The following PTK2 variants were observed in gnomAD, a reference collection of about 807,000 sequenced individuals.
The protein encoded by PTK2 is protein tyrosine kinase 2.
A neutral mutation model predicts 150.1 loss-of-function variants in PTK2; 45 were observed. The ratio of observed to expected loss-of-function variants is 0.30; its 90% CI spans 0.24 to 0.38. The LOEUF (loss-of-function observed/expected upper bound fraction) is 0.38. Ranked by LOEUF, PTK2 falls within the 10% of genes least tolerant of loss-of-function variation. The pLI, the probability that PTK2 is intolerant of heterozygous loss-of-function variation, is 1.00. For missense variants in PTK2, 919 were observed against 1,307.3 expected (o/e 0.70, Z 4.58); for synonymous variants, 432 against 449.2 (o/e 0.96, Z 0.48).
At chr8:140,905,344 T>C (rs923210346) in intron 2 of PTK2, among the ~76,000 whole-genome samples, 1 of 120,792 alleles carries the variant, frequency 8.3e-6, no homozygotes, top group Admixed American at 7.8e-5. Context: ...ACCAAGCACA[T>C]GGAAAGCAAA....
At chr8:140,736,430 A>G (rs894535580) in intron 21 of PTK2, among the ~76,000 whole-genome samples, 1 of 151,986 alleles carries the variant, frequency 6.6e-6, no homozygotes, top group Admixed American at 6.6e-5. Flanking sequence ...TACTATGTTC[A>G]CTATTTGGGT....
chr8:140,658,675 TG>T (rs1159947773), exon 32 of PTK2: 1 of 213,356 alleles, frequency 4.7e-6, no homozygotes, highest in Non-Finnish European at 9.5e-6. Flanking sequence ...TATATAAAAA[TG>T]GAAAAAGGGG....
At chr8:140,677,542 T>C (rs1465835032) in intron 27 of PTK2, among the ~76,000 whole-genome samples, 1 of 152,220 alleles carries the variant, frequency 6.6e-6, no homozygotes, top group East Asian at 1.9e-4. Context: ...TTGCTTACTT[T>C]AAAATAATGA....
chr8:140,714,613 A>G (rs1329732870), intron 23 of PTK2, among the ~76,000 whole-genome samples: 1 of 151,836 alleles, frequency 6.6e-6, no homozygotes, highest in Non-Finnish European at 1.5e-5. Flanking sequence ...CCTGGCCAAC[A>G]TGGTGAAACC....
At chr8:140,969,880 A>G (rs2100186625) in intron 1 of PTK2, among the ~76,000 whole-genome samples, 2 of 152,294 alleles carry the variant, frequency 1.3e-5, no homozygotes, top group South Asian at 4.1e-4. Context: ...CCAGAACTAC[A>G]TTTCCTACAA....
intron 7 of PTK2, among the ~76,000 whole-genome samples, chr8:140,835,999 A>G (rs1486050303): frequency 6.6e-6 from 1 of 151,902 alleles, no homozygotes; most frequent in Non-Finnish European, 1.5e-5. Flanking sequence ...CTGGCTCCTG[A>G]CCTGCATCCT....
chr8:140,883,181 CTTTCATAAACTGTTCATTCATTTAT>C, intron 3 of PTK2, among the ~76,000 whole-genome samples: 1 of 152,338 alleles, frequency 6.6e-6, no homozygotes, highest in South Asian at 2.1e-4. Flanking sequence ...CATGTTCATT[CTTTCATAAACTGTTCATTCATTTAT>C]TCATGAACAT....
At chr8:140,916,023 G>GC (rs2100165125) in intron 2 of PTK2, among the ~76,000 whole-genome samples, 1 of 152,144 alleles carries the variant, frequency 6.6e-6, no homozygotes, top group Non-Finnish European at 1.5e-5. Context: ...TACTAATAAT[G>GC]AGGACCAGAA....
intron 13 of PTK2, 113 bp from the exon 14 acceptor site, chr8:140,789,639 T>C (rs990963926): frequency 1.6e-5 from 15 of 923,202 alleles, no homozygotes; most frequent in Non-Finnish European, 2.5e-5. Flanking sequence ...TTTAGATACG[T>C]GATTTCTTTA....
At chr8:140,682,120 G>A (rs1036712605) in intron 27 of PTK2, among the ~76,000 whole-genome samples, 1 of 152,214 alleles carries the variant, frequency 6.6e-6, no homozygotes, top group Non-Finnish European at 1.5e-5. Flanking sequence ...TTACAACCAT[G>A]TAGTAAGAGC....
At chr8:140,867,160 A>G (rs912376986) in intron 4 of PTK2, among the ~76,000 whole-genome samples, 1 of 152,148 alleles carries the variant, frequency 6.6e-6, no homozygotes, top group Admixed American at 6.5e-5. Context: ...AAGCAAGTCA[A>G]TGGCATGCTG....
intron 17 of PTK2, among the ~76,000 whole-genome samples, chr8:140,751,327 C>T (rs2100062524): frequency 6.6e-6 from 1 of 152,072 alleles, no homozygotes; most frequent in African/African-American, 2.4e-5. Context: ...CGCCACCATG[C>T]CCAGCTAATT....
At chr8:140,715,160 T>C (rs932440042) in intron 23 of PTK2, among the ~76,000 whole-genome samples, 2 of 15,802 alleles carry the variant, frequency 1.3e-4, no homozygotes, top group African/African-American at 6.6e-4. Flanking sequence ...AAACCGTTTT[T>C]TTTTTTTTTT....
intron 10 of PTK2, among the ~76,000 whole-genome samples, chr8:140,811,187 C>T (rs905328585): frequency 2.0e-5 from 3 of 152,188 alleles, no homozygotes; most frequent in African/African-American, 7.2e-5. Flanking sequence ...GCACCCCTAC[C>T]CCCAACACTC....
Position 140,809,524 on chromosome 8 carries a change from G to T in PTK2, c.868-5874C>A, listed in dbSNP as rs534801165. 2.0e-5 allele frequency among the ~76,000 whole-genome samples: 3 copies of T among 152,310 alleles called. No homozygotes were observed. In the South Asian group the frequency reaches 6.2e-4, roughly 32 times the overall value. On this transcript the variant is annotated intron_variant, in intron 10 of 31. Transcript: ENST00000522684. ...ATGTGGATAGATCGATTACTATTAG[G>T]CCAGGCACAGTGGTTCACGCCTGTA...
chr8:140,781,065 T>G (rs2100081389), intron 14 of PTK2, among the ~76,000 whole-genome samples: 1 of 152,210 alleles, frequency 6.6e-6, no homozygotes, highest in African/African-American at 2.4e-5. Flanking sequence ...ATATTTTGTC[T>G]TGACTCATGC....
chr8:140,860,078 T>C (rs538911253), intron 5 of PTK2, among the ~76,000 whole-genome samples: 1 of 152,330 alleles, frequency 6.6e-6, no homozygotes, highest in Non-Finnish European at 1.5e-5. Context: ...ACAGGTTTTA[T>C]ACATGGCCTG....
intron 18 of PTK2, among the ~76,000 whole-genome samples, chr8:140,746,207 C>CTGTA (rs1403149858): frequency 2.0e-5 from 3 of 152,012 alleles, no homozygotes; most frequent in African/African-American, 7.2e-5. Flanking sequence ...TGGCATGCAC[C>CTGTA]TGTAGTCCCA....
intron 26 of PTK2, among the ~76,000 whole-genome samples, chr8:140,688,884 T>C (rs963856984): frequency 1.3e-5 from 2 of 152,214 alleles, no homozygotes; most frequent in African/African-American, 4.8e-5. Context: ...ATATAACTAA[T>C]GCCCATACAG....
Sources: gnomAD v4.1 joint callset for allele counts (sites outside exome capture counted in the v4.1 genomes callset) on GRCh38, gnomAD v4.1.1 for gene constraint, MANE v1.5 for transcripts, NCBI Gene and HGNC (gene_info 2026-07-23, HGNC 2026-07-21) for gene names.